DLC1: variants seen among roughly 807,000 people sequenced by gnomAD.
DLC1 encodes the protein DLC1 Rho GTPase activating protein.
Under a neutral mutation model 140.3 loss-of-function variants are expected in DLC1, and 54 were observed. That is an observed-to-expected ratio of 0.38 (90% CI 0.31 to 0.48). The LOEUF is 0.48. Ranked by LOEUF, DLC1 falls within the 20% of genes least tolerant of loss-of-function variation. The pLI is 0.96. For synonymous variants in DLC1, 986 were observed against 728.1 expected, an observed-to-expected ratio of 1.35 and a Z score of -5.70; for missense variants, 2,536 against 1,907.0, an observed-to-expected ratio of 1.33 and a Z score of -6.14.
chr8:13,277,771 T>C (rs188146480), intron 5 of DLC1, among the ~76,000 whole-genome samples: 6 of 152,320 alleles, frequency 3.9e-5, no homozygotes, highest in Middle Eastern at 3.4e-3. Context: ...ATAAGACATC[T>C]AAAGGCCAGT....
In DLC1 at chr8:13,099,816, C is replaced by T; in HGVS notation, c.2521G>A (p.Gly841Arg). The change falls in exon 9 of 18, where the codon GGA becomes AGA. Residue 841 changes from glycine (G) to arginine (R), a missense_variant. By Grantham distance (125) the Gly-to-Arg change is moderately radical (BLOSUM62 -2). Transcript: ENST00000276297. ...GNNGSVNWRT[G>R]SFHGPGHISL... Reference sequence around the variant, plus strand: ...ATGTGGCCAGGGCCGTGGAAGCTTCCCGTCCTCCAGTTCACAGAGCCGTTA... The same window carrying T: ...ATGTGGCCAGGGCCGTGGAAGCTTCTCGTCCTCCAGTTCACAGAGCCGTTA... The T allele has an allele frequency of 6.2e-7, 1 of 1,614,166 alleles. No homozygotes were observed.
At chr8:13,449,479 C>T (rs1372984092) in intron 2 of DLC1, among the ~76,000 whole-genome samples, 1 of 152,116 alleles carries the variant, frequency 6.6e-6, no homozygotes, top group Non-Finnish European at 1.5e-5. Flanking sequence ...CTATAGGATG[C>T]ATCATTGGCA....
At chr8:13,441,727 G>A (rs77085851) in intron 2 of DLC1, among the ~76,000 whole-genome samples, 24,363 of 151,284 alleles carry the variant, frequency 0.16, 2,034 homozygotes, top group South Asian at 0.2. Flanking sequence ...AACAAATGGA[G>A]GAACATTCCA....
At chr8:13,127,353 C>A (rs1285732287) in intron 5 of DLC1, among the ~76,000 whole-genome samples, 1 of 152,230 alleles carries the variant, frequency 6.6e-6, no homozygotes, top group Admixed American at 6.5e-5. Context: ...AACCTCTCTG[C>A]ATCTCAGCCG....
chr8:13,551,466 G>A (rs1803848767), intron 1 of DLC1, among the ~76,000 whole-genome samples: 1 of 151,846 alleles, frequency 6.6e-6, no homozygotes, highest in African/African-American at 2.4e-5. Context: ...CATGGGTGAA[G>A]GATTACTCTC....
chr8:13,233,294 A>T (rs981277551), intron 5 of DLC1, among the ~76,000 whole-genome samples: 15 of 9,378 alleles, frequency 1.6e-3, no homozygotes, highest in Middle Eastern at 0.083. Context: ...GACTCTGTAT[A>T]AAAAAAAAAA....
intron 1 of DLC1, among the ~76,000 whole-genome samples, chr8:13,584,813 C>T (rs1445476754): frequency 6.6e-6 from 1 of 152,160 alleles, no homozygotes. Context: ...CACACCCAGG[C>T]TCTTCCTACC....
intron 8 of DLC1, 114 bp downstream of exon 8, chr8:13,102,676 C>T: frequency 1.1e-6 from 1 of 935,056 alleles, no homozygotes; most frequent in South Asian, 1.4e-5. Context: ...GATGTAGATG[C>T]TTACGGAACA....
intron 5 of DLC1, among the ~76,000 whole-genome samples, chr8:13,295,368 T>A (rs1247385852): frequency 6.6e-6 from 1 of 152,216 alleles, no homozygotes; most frequent in Non-Finnish European, 1.5e-5. Flanking sequence ...ATTTAAGAAC[T>A]CTGTGAGAAC....
intron 1 of DLC1, chr8:13,557,824 C>T (rs1299178682): frequency 6.6e-6 from 1 of 151,984 alleles, no homozygotes; most frequent in Non-Finnish European, 1.5e-5. Flanking sequence ...TGTGTTAGAT[C>T]CAGGTGTCTA....
intron 5 of DLC1, among the ~76,000 whole-genome samples, chr8:13,180,992 G>A (rs1490177714): frequency 6.7e-6 from 1 of 149,494 alleles, no homozygotes; most frequent in Non-Finnish European, 1.5e-5. Flanking sequence ...TTTTTCTGTT[G>A]AAGATATCTA....
At chr8:13,143,841 AG>A (rs1823213717) in intron 5 of DLC1, among the ~76,000 whole-genome samples, 1 of 151,650 alleles carries the variant, frequency 6.6e-6, no homozygotes, top group African/African-American at 2.4e-5. Context: ...AGAGAGAGAG[AG>A]AGAGAGAGAG....
chr8:13,163,405 T>C (rs1423820772), intron 5 of DLC1, among the ~76,000 whole-genome samples: 2 of 151,906 alleles, frequency 1.3e-5, no homozygotes, highest in Admixed American at 1.3e-4. Flanking sequence ...ATTTTGAAAA[T>C]GGTTGGGAGG....
intron 4 of DLC1, among the ~76,000 whole-genome samples, chr8:13,318,915 C>G (rs1832971590): frequency 1.3e-5 from 2 of 152,184 alleles, no homozygotes; most frequent in Non-Finnish European, 2.9e-5. Flanking sequence ...TATACACTTT[C>G]ACCAGACAGA....
At chr8:13,473,437 G>A (rs1398634931) in intron 2 of DLC1, among the ~76,000 whole-genome samples, 1 of 152,124 alleles carries the variant, frequency 6.6e-6, no homozygotes, top group Non-Finnish European at 1.5e-5. Flanking sequence ...TCTAAGATGT[G>A]ACTTGCTTCT....
intron 4 of DLC1, among the ~76,000 whole-genome samples, chr8:13,328,602 G>A (rs1465306706): frequency 6.6e-6 from 1 of 152,174 alleles, no homozygotes; most frequent in African/African-American, 2.4e-5. Flanking sequence ...GAGTCTGGAG[G>A]TGAGAATAGA....
intron 2 of DLC1, among the ~76,000 whole-genome samples, chr8:13,461,769 A>C (rs1246129499): frequency 2.0e-5 from 3 of 152,162 alleles, no homozygotes; most frequent in African/African-American, 7.2e-5. Context: ...CTCACAGCTA[A>C]GTAGTGGCAG....
intron 2 of DLC1, among the ~76,000 whole-genome samples, chr8:13,429,077 A>G (rs1049643656): frequency 6.6e-6 from 1 of 152,244 alleles, no homozygotes; most frequent in Non-Finnish European, 1.5e-5. Flanking sequence ...TAAAGGGATG[A>G]ACAAAACATG....
intron 10 of DLC1, chr8:13,095,738 A>C (rs1818450518): frequency 6.3e-6 from 1 of 158,176 alleles, no homozygotes; most frequent in South Asian, 1.9e-4. Flanking sequence ...TTTTGTCTTG[A>C]AAAAAGGGTA....
Sources: gnomAD v4.1 joint callset for allele counts (sites outside exome capture counted in the v4.1 genomes callset) on GRCh38, gnomAD v4.1.1 for gene constraint, MANE v1.5 for transcripts, NCBI Gene and HGNC (gene_info 2026-07-23, HGNC 2026-07-21) for gene names.